The following COL4A6 variants were observed in gnomAD, a reference collection of about 807,000 sequenced individuals.
The protein encoded by COL4A6 is collagen alpha-6(IV) chain.
In COL4A6, 59 loss-of-function variants were observed where a neutral mutation model predicts 126.7. That is an observed-to-expected ratio of 0.47 (90% confidence interval 0.38 to 0.58). The LOEUF (loss-of-function observed/expected upper bound fraction) is 0.58, where lower values mean the gene tolerates loss of function less well. Ranked by LOEUF, COL4A6 falls within the 20% of genes least tolerant of loss-of-function variation. The pLI, the probability that COL4A6 is intolerant of heterozygous loss-of-function variation, is 0.00. For synonymous variants in COL4A6, 547 were observed against 496.6 expected (o/e 1.10, Z -1.35); for missense variants, 1,285 against 1,337.3 (o/e 0.96, Z 0.61).
chrX:108,200,866 C>A (rs2035370892), intron 13 of COL4A6, among the ~76,000 whole-genome samples: 1 of 111,041 alleles, frequency 9.0e-6, no homozygotes, highest in South Asian at 3.9e-4. Flanking sequence ...TCACATGTAC[C>A]CTATAAATAT....
At chrX:108,417,318 TA>T (rs1346926314) in intron 2 of COL4A6, among the ~76,000 whole-genome samples, 1 of 111,460 alleles carries the variant, frequency 9.0e-6, no homozygotes, top group East Asian at 2.8e-4. Context: ...GAGGATGAAG[TA>T]AAAAATGTAA....
chrX:108,161,590 G>GCCCCC, intron 42 of COL4A6, 29 bp downstream of exon 42: 1 of 247,019 alleles, frequency 4.0e-6, no homozygotes, highest in Non-Finnish European at 7.2e-6. Context: ...TCCCCGCCCC[G>GCCCCC]CCCGCCTCCT....
At chrX:108,232,240 T>G (rs992566624) in intron 3 of COL4A6, among the ~76,000 whole-genome samples, 1 of 111,951 alleles carries the variant, frequency 8.9e-6, no homozygotes, top group African/African-American at 3.2e-5. Context: ...CCATAACACA[T>G]TCATAAAACT....
chrX:108,178,682 A>G lies in COL4A6; in HGVS notation c.2515+2T>C. 8.3e-7 allele frequency: 1 copy of G among 1,210,311 alleles called. No homozygotes were observed. The highest frequency in any genetic ancestry group is 1.1e-6 in the Non-Finnish European group (1 of 894,915). On this transcript the variant is annotated splice_donor_variant, in intron 27 of 44. Transcript: ENST00000334504. LOFTEE classifies it high-confidence loss of function. ...GTGGGACTCTTCCTCTGAAGGACCT[A>G]CCTGAGATGCCTGGGAAGCCTGGTG... is the stretch of plus-strand genomic sequence containing the variant.
At chrX:108,320,645 C>T (rs1344390294) in intron 2 of COL4A6, among the ~76,000 whole-genome samples, 1 of 111,573 alleles carries the variant, frequency 9.0e-6, no homozygotes, top group Non-Finnish European at 1.9e-5. Context: ...CCTGTAAAGA[C>T]GTTAGCTCTG....
chrX:108,310,458 C>T lies in COL4A6; in HGVS notation c.144+290G>A, dbSNP rs73524855. 3.6e-3 allele frequency among the ~76,000 whole-genome samples: 403 copies of T among 111,785 alleles called. 2 individuals carry two copies. The highest frequency in any genetic ancestry group is 0.013 in the African/African-American group (389 of 30,787). The stretch of plus-strand genomic sequence containing the variant: ...ATGTACACTTATCTACAAACATTGT[C>T]ACAATCTGGCTCTCTACAACCTAAT... On this transcript the variant is annotated intron_variant, in intron 3 of 44. Transcript: ENST00000334504.
chrX:108,174,964 G>T, intron 30 of COL4A6, 126 bp downstream of exon 30: 1 of 916,586 alleles, frequency 1.1e-6, no homozygotes, highest in Non-Finnish European at 1.5e-6. Context: ...CTTGCTGCCA[G>T]CCACACTGCT....
intron 2 of COL4A6, among the ~76,000 whole-genome samples, chrX:108,337,323 G>A (rs1320850986): frequency 4.5e-5 from 5 of 111,888 alleles, no homozygotes; most frequent in African/African-American, 1.6e-4. Flanking sequence ...CCCACCATGT[G>A]TTGGTACATA....
At chrX:108,333,452 C>A (rs1361809841) in intron 2 of COL4A6, among the ~76,000 whole-genome samples, 1 of 110,856 alleles carries the variant, frequency 9.0e-6, no homozygotes. Flanking sequence ...AAACCCACAG[C>A]CAACATCATA....
chrX:108,427,497 A>G (rs983918867), intron 2 of COL4A6, among the ~76,000 whole-genome samples: 2 of 112,244 alleles, frequency 1.8e-5, no homozygotes, highest in African/African-American at 6.5e-5. Context: ...GATGAAAAAA[A>G]CAGGAGAAGC....
chrX:108,324,845 A>T (rs1408586108), intron 2 of COL4A6, among the ~76,000 whole-genome samples: 1 of 111,834 alleles, frequency 8.9e-6, no homozygotes, highest in East Asian at 2.8e-4. Context: ...TAGGGGGAAA[A>T]ATCAGAAGGA....
chrX:108,435,397 A>C (rs944631911), intron 2 of COL4A6, among the ~76,000 whole-genome samples: 1 of 112,212 alleles, frequency 8.9e-6, no homozygotes, highest in African/African-American at 3.2e-5. Context: ...ATAATAACTT[A>C]TCATTAAGCA....
chrX:108,186,053 A>G (rs1446809694), intron 23 of COL4A6, among the ~76,000 whole-genome samples: 3 of 112,091 alleles, frequency 2.7e-5, no homozygotes, highest in African/African-American at 9.7e-5. Context: ...AAGGTTGAAA[A>G]AGTTGGTTGT....
At chrX:108,311,893 T>C (rs2038770758) in intron 2 of COL4A6, among the ~76,000 whole-genome samples, 1 of 111,925 alleles carries the variant, frequency 8.9e-6, no homozygotes, top group Non-Finnish European at 1.9e-5. Context: ...ACTATATTAA[T>C]GGAGTTAGGA....
At chrX:108,268,093 C>T (rs1306617640) in intron 3 of COL4A6, 2 of 111,748 alleles carry the variant, frequency 1.8e-5, no homozygotes, top group Non-Finnish European at 3.8e-5. Flanking sequence ...CTTACCTGCC[C>T]ATGAGCTTCC....
chrX:108,411,124 C>T (rs1273236502), intron 2 of COL4A6, among the ~76,000 whole-genome samples: 4 of 111,950 alleles, frequency 3.6e-5, no homozygotes, highest in African/African-American at 1.3e-4. Context: ...GTAATTAATG[C>T]ATAAAAAAGA....
intron 2 of COL4A6, among the ~76,000 whole-genome samples, chrX:108,418,365 A>G (rs912426145): frequency 8.9e-6 from 1 of 112,135 alleles, no homozygotes; most frequent in East Asian, 2.8e-4. Context: ...CAGTTCACAG[A>G]CATGAAATGC....
chrX:108,217,034 C>A (rs1285856589), intron 5 of COL4A6, among the ~76,000 whole-genome samples: 2 of 112,310 alleles, frequency 1.8e-5, no homozygotes, highest in African/African-American at 3.2e-5. Context: ...AAAGCCACAG[C>A]CCTACTGTCC....
At chrX:108,260,978 G>T (rs2037144542) in intron 3 of COL4A6, among the ~76,000 whole-genome samples, 1 of 110,598 alleles carries the variant, frequency 9.0e-6, no homozygotes, top group Non-Finnish European at 1.9e-5. Flanking sequence ...ATATTTGACT[G>T]TATCCTACCT....
Sources: gnomAD v4.1 joint callset for allele counts (sites outside exome capture counted in the v4.1 genomes callset) on GRCh38, gnomAD v4.1.1 for gene constraint, MANE v1.5 for transcripts, NCBI Gene and HGNC (gene_info 2026-07-23, HGNC 2026-07-21) for gene names.